DPP6: variants seen among roughly 807,000 people sequenced by gnomAD.
DPP6 encodes the protein A-type potassium channel modulatory protein DPP6.
Under a neutral mutation model 122.6 loss-of-function variants are expected in DPP6, and 69 were observed. The observed-to-expected ratio is 0.56, with a 90% CI of 0.46 to 0.69. The LOEUF is 0.69. Among genes scored for constraint, DPP6 ranks in the 30% least tolerant of loss-of-function variants. The probability of loss-of-function intolerance (pLI) is 0.00; values close to 1 mark genes in which losing one functional copy is unlikely to be tolerated. For missense variants in DPP6, 928 were observed against 1,116.9 expected (o/e 0.83, Z 2.41); for synonymous variants, 418 against 433.1 (o/e 0.97, Z 0.43).
intron 1 of DPP6, among the ~76,000 whole-genome samples, chr7:154,116,113 C>T (rs1354930893): frequency 2.0e-5 from 3 of 150,866 alleles, no homozygotes; most frequent in African/African-American, 7.3e-5. Context: ...TATGGTGTGC[C>T]TGTTAGGTAA....
At chr7:154,759,574 C>T (rs1020914178) in intron 8 of DPP6, among the ~76,000 whole-genome samples, 1 of 152,218 alleles carries the variant, frequency 6.6e-6, no homozygotes, top group African/African-American at 2.4e-5. Context: ...CTTAGCACAG[C>T]CTTTAGCTCT....
At position 154,892,603 on chromosome 7, in the gene DPP6, G is replaced by T. The variant is rs996878314; in HGVS notation, c.*123G>T. On this transcript the variant is annotated 3_prime_UTR_variant, in exon 26 of 26. Transcript: ENST00000377770. ...GGCGGGGCCGGGTGTTCCATAGCAT[G>T]TGTGTCTCGGATGCGGAAGGCAGTT... The T allele has an allele frequency of 1.3e-6, 2 of 1,536,028 alleles. No homozygotes were observed. The highest frequency in any genetic ancestry group is 3.6e-5 in the Admixed American group (2 of 55,618).
intron 1 of DPP6, among the ~76,000 whole-genome samples, chr7:154,257,971 T>C (rs1170405802): frequency 6.6e-6 from 1 of 152,142 alleles, no homozygotes; most frequent in African/African-American, 2.4e-5. Context: ...TCCCCAAATA[T>C]CAAAGGGCAA....
At chr7:153,844,519 C>T in the DPP6 span, among the ~76,000 whole-genome samples, 2 of 152,200 alleles carry the variant, frequency 1.3e-5, no homozygotes, top group Non-Finnish European at 2.9e-5. Context: ...TTCTAATCAA[C>T]CTTGATTTTT....
At chr7:154,255,056 A>G (rs1802570859) in intron 1 of DPP6, among the ~76,000 whole-genome samples, 1 of 152,180 alleles carries the variant, frequency 6.6e-6, no homozygotes, top group Admixed American at 6.5e-5. Flanking sequence ...GGGCAAAAAA[A>G]TAAAGATGTA....
chr7:154,560,584 A>C (rs1830357831), intron 4 of DPP6, among the ~76,000 whole-genome samples: 1 of 152,142 alleles, frequency 6.6e-6, no homozygotes, highest in Admixed American at 6.5e-5. Flanking sequence ...ACATAGATTA[A>C]AATTAAGTGA....
chr7:154,103,853 C>G (rs1323233494), intron 1 of DPP6, among the ~76,000 whole-genome samples: 3 of 152,222 alleles, frequency 2.0e-5, no homozygotes, highest in Non-Finnish European at 4.4e-5. Context: ...GGCACTTATG[C>G]TAGTGGTTTG....
chr7:154,729,406 T>TA (rs144574463), intron 8 of DPP6, among the ~76,000 whole-genome samples: 15,496 of 152,228 alleles, frequency 0.1, 1,097 homozygotes, highest in Middle Eastern at 0.16. Flanking sequence ...AGCTTAGTGT[T>TA]ACCTCCTAGG....
chr7:154,538,111 A>T (rs13228346), intron 3 of DPP6, among the ~76,000 whole-genome samples: 17,303 of 152,218 alleles, frequency 0.11, 1,043 homozygotes, highest in African/African-American at 0.16. Context: ...AAGTACCGGA[A>T]TGATAAAATT....
intron 1 of DPP6, among the ~76,000 whole-genome samples, chr7:154,183,027 T>C (rs534068105): frequency 7.9e-4 from 121 of 152,260 alleles, no homozygotes; most frequent in African/African-American, 2.6e-3. Flanking sequence ...GATGAGACTG[T>C]CTAAGGGGCT....
chr7:153,808,858 AG>A, the DPP6 span, among the ~76,000 whole-genome samples: 7 of 152,052 alleles, frequency 4.6e-5, no homozygotes, highest in African/African-American at 1.7e-4. Context: ...ATGGGAGTGC[AG>A]TTATCTCTTT....
chr7:153,963,089 C>A (rs1795440962), intron 1 of DPP6, among the ~76,000 whole-genome samples: 1 of 152,148 alleles, frequency 6.6e-6, no homozygotes. Context: ...GCTAAGACAA[C>A]CTCCTAAGAA....
rs571862132 is a variant in DPP6, at chr7:154,011,758, A to G, written c.51+124024A>G. ...TAAGGGTGAATCTTAAAAAATTGCC[A>G]AATGTATTCTTGAGATGAATAACAG... On this transcript the variant is annotated intron_variant, in intron 1 of 25. Transcript: ENST00000404039. Among the ~76,000 whole-genome samples, 755 of 152,322 alleles carry G rather than the reference A, an allele frequency of 5.0e-3. 6 individuals are homozygous for G. Among genetic ancestry groups the G allele is most frequent in the African/African-American group, 0.017 (707 of 41,576 alleles).
chr7:154,143,571 A>T (rs1795948679), intron 1 of DPP6, among the ~76,000 whole-genome samples: 1 of 152,172 alleles, frequency 6.6e-6, no homozygotes, highest in Admixed American at 6.5e-5. Flanking sequence ...ATCACTGTTA[A>T]CAAGTTGGCA....
chr7:154,200,337 T>A (rs1472874151), intron 1 of DPP6, among the ~76,000 whole-genome samples: 3 of 152,234 alleles, frequency 2.0e-5, no homozygotes, highest in Non-Finnish European at 4.4e-5. Context: ...GTCTTTATGC[T>A]AGGAACATTC....
intron 1 of DPP6, among the ~76,000 whole-genome samples, chr7:154,384,742 AT>A (rs869155233): frequency 9.2e-5 from 7 of 75,850 alleles, no homozygotes; most frequent in African/African-American, 1.6e-4. Context: ...TCTTTCTTTT[AT>A]TTTTTTTTGA....
In DPP6 at chr7:154,669,343, G is replaced by C; in HGVS notation, c.681-17G>C. 6.4e-7 allele frequency: 1 copy of C among 1,552,240 alleles called. No individual in the cohort carries two copies. Among genetic ancestry groups the C allele is most frequent in the Non-Finnish European group, 8.7e-7 (1 of 1,147,252 alleles). ...CCAACATTTTGCTTTGTTTTTGTTT[G>C]TTTGTTCAATTTTCAGGGATCCTCA... On this transcript the variant is annotated splice_polypyrimidine_tract_variant and intron_variant, in intron 6 of 25. Transcript: ENST00000377770.
At chr7:154,229,890 C>G (rs1449967272) in intron 1 of DPP6, among the ~76,000 whole-genome samples, 4 of 151,808 alleles carry the variant, frequency 2.6e-5, no homozygotes, top group Non-Finnish European at 5.9e-5. Context: ...TTTGTGAAAC[C>G]CATGCATAGT....
At chr7:154,396,840 G>A (rs988378459) in intron 1 of DPP6, among the ~76,000 whole-genome samples, 2 of 152,204 alleles carry the variant, frequency 1.3e-5, no homozygotes, top group East Asian at 3.9e-4. Flanking sequence ...AGCTACTCAG[G>A]AGGCCAAGGT....
Sources: gnomAD v4.1 joint callset for allele counts (sites outside exome capture counted in the v4.1 genomes callset) on GRCh38, gnomAD v4.1.1 for gene constraint, MANE v1.5 for transcripts, NCBI Gene and HGNC (gene_info 2026-07-23, HGNC 2026-07-21) for gene names.